The following SLC35A5 variants were observed in gnomAD, a reference collection of about 807,000 sequenced individuals.
The protein encoded by SLC35A5 is UDP-sugar transporter protein SLC35A5.
SLC35A5 carries 28 observed loss-of-function variants against 36.3 expected under a neutral mutation model. The ratio of observed to expected loss-of-function variants is 0.77; its 90% CI spans 0.57 to 1.06. The LOEUF (loss-of-function observed/expected upper bound fraction) is 1.06, where lower values mean the gene tolerates loss of function less well. Ranked by LOEUF, SLC35A5 falls within the 50% of genes least tolerant of loss-of-function variation. The pLI is 0.00. For synonymous variants in SLC35A5, 180 were observed against 173.7 expected, an observed-to-expected ratio of 1.04 and a Z score of -0.29; for missense variants, 521 against 499.3, an observed-to-expected ratio of 1.04 and a Z score of -0.41.
intron 4 of SLC35A5, among the ~76,000 whole-genome samples, chr3:112,573,146 G>A (rs1414560586): frequency 6.6e-6 from 1 of 152,106 alleles, no homozygotes; most frequent in African/African-American, 2.4e-5. Flanking sequence ...TCACCTTAAA[G>A]TGATAGCAAG....
rs139791404 is a variant in SLC35A5, at chr3:112,574,311, A to C, written c.428+355A>C. On this transcript the variant is annotated intron_variant, in intron 5 of 6. Coordinates refer to ENST00000492406, the MANE Select transcript of SLC35A5 (RefSeq NM_017945.5). ...GAAGCAAATGGTTCCTAAGATTGTTAATATATTTGTAATTTGTAGTTTGGA... is the reference window on the plus strand; with the variant it reads ...GAAGCAAATGGTTCCTAAGATTGTTCATATATTTGTAATTTGTAGTTTGGA... 4.1e-3 allele frequency among the ~76,000 whole-genome samples: 619 copies of C among 152,334 alleles called. 13 individuals carry two copies. Among genetic ancestry groups the C allele is most frequent in the Non-Finnish European group, 1.8e-3 (120 of 68,030 alleles).
At position 112,582,594 on chromosome 3, in the gene SLC35A5, T is replaced by G. The variant is rs547726088; in HGVS notation, c.1210-77T>G. ...AGCTTAATGAGGTAAGACCAGTGATTTGTTAGTAAGGTTTTCCCTTTAAAA... is the reference window on the plus strand; with the variant it reads ...AGCTTAATGAGGTAAGACCAGTGATGTGTTAGTAAGGTTTTCCCTTTAAAA... On this transcript the variant is annotated intron_variant, in intron 6 of 6. Coordinates refer to ENST00000492406, the MANE Select transcript of SLC35A5 (RefSeq NM_017945.5). 4.7e-5 allele frequency: 37 copies of G among 795,162 alleles called. No individual in the cohort carries two copies. The South Asian group carries it at 5.9e-4, about 13-fold the overall frequency. The allele number at this position is 795,162 out of a possible 1,614,324, so 49.3% of individuals were successfully genotyped here.
rs528694006 is a variant in SLC35A5 at position 112,584,924 on chromosome 3, A to C, written c.*2188A>C. Reference sequence around the variant, plus strand: ...CAGCTGGAAGCCATTATCCTAACTGAAATAATTCAGAAACAGAAAATCAAA... The same window carrying C: ...CAGCTGGAAGCCATTATCCTAACTGCAATAATTCAGAAACAGAAAATCAAA... On this transcript the variant is annotated 3_prime_UTR_variant, in exon 7 of 7. Coordinates refer to ENST00000492406, the MANE Select transcript of SLC35A5 (RefSeq NM_017945.5). 9.1e-4 allele frequency: 138 copies of C among 152,288 alleles called. 1 individual carries two copies. Among genetic ancestry groups the C allele is most frequent in the African/African-American group, 3.2e-3 (131 of 41,570 alleles). The allele number at this position is 152,288 out of a possible 1,614,324, so 9.4% of individuals were successfully genotyped here. A position where few individuals can be genotyped will look rare whatever the true frequency, so the allele number is the denominator to read the frequency against.
At chr3:112,561,530 C>T (rs770864436), upstream of SLC35A5, 2 of 1,562,156 alleles carry the variant, frequency 1.3e-6, no homozygotes, top group East Asian at 4.9e-5. Context: ...ATTCTGCATC[C>T]TGGGGCCGGA....
In SLC35A5 at chr3:112,584,142, T is replaced by C. The variant is rs1006461676; in HGVS notation, c.*1406T>C. ...AATTGGTGGAAATTTGTAATTAAAA[T>C]AATTATTAAACCTATGTCTTGTGTT... On this transcript the variant is annotated 3_prime_UTR_variant, in exon 7 of 7. Transcript: ENST00000492406. 1 of 152,178 alleles carries C rather than the reference T, an allele frequency of 6.6e-6. No homozygotes were observed. Among genetic ancestry groups the C allele is most frequent in the African/African-American group, 2.4e-5 (1 of 41,436 alleles). The allele number at this position is 152,178 out of a possible 1,614,324, so 9.4% of individuals were successfully genotyped here.
At chr3:112,578,486 TG>T (rs771188266) in intron 5 of SLC35A5, among the ~76,000 whole-genome samples, 21 of 152,140 alleles carry the variant, frequency 1.4e-4, no homozygotes, top group Non-Finnish European at 2.9e-4. Flanking sequence ...ACCGAGGCAG[TG>T]GAGAGATGAG....
intron 5 of SLC35A5, 43 bp from the exon 6 acceptor site, chr3:112,580,503 G>A: frequency 6.5e-7 from 1 of 1,535,396 alleles, no homozygotes; most frequent in Non-Finnish European, 8.7e-7. Context: ...TATTGATATG[G>A]GGGGAAAACA....
chr3:112,581,407 G>A lies in SLC35A5; in HGVS notation c.1209+81G>A, dbSNP rs117607328. 6 of 1,364,732 alleles carry A rather than the reference G, an allele frequency of 4.4e-6. No homozygotes were observed. The East Asian group carries it at 1.2e-4, about 26-fold the overall frequency. 84.5% of individuals were successfully genotyped at this position (1,364,732 alleles called of 1,614,324 possible). On this transcript the variant is annotated intron_variant, in intron 6 of 6. Transcript: ENST00000492406. ...TAATTCAAGGAAAAAAATAAAATCA[G>A]TACTGATTTGTCAAAGAATGTATTG...
chr3:112,565,444 T>C (rs1328279203), intron 2 of SLC35A5, among the ~76,000 whole-genome samples: 1 of 152,140 alleles, frequency 6.6e-6, no homozygotes, highest in Non-Finnish European at 1.5e-5. Context: ...AAGCAGGATA[T>C]GTTGTGAGAA....
chr3:112,579,579 C>T (rs1345049482), intron 5 of SLC35A5, among the ~76,000 whole-genome samples: 5 of 151,986 alleles, frequency 3.3e-5, no homozygotes, highest in Non-Finnish European at 7.4e-5. Context: ...GGATATATCA[C>T]CACCTCCTTT....
At chr3:112,574,397 C>T (rs968696114) in intron 5 of SLC35A5, among the ~76,000 whole-genome samples, 6 of 142,360 alleles carry the variant, frequency 4.2e-5, no homozygotes, top group African/African-American at 1.8e-4. Flanking sequence ...GATTTAAGCA[C>T]TAATTAGCAG....
chr3:112,573,654 G>A (rs1474329957), intron 4 of SLC35A5, among the ~76,000 whole-genome samples: 2 of 152,168 alleles, frequency 1.3e-5, no homozygotes, highest in Non-Finnish European at 2.9e-5. Flanking sequence ...AGTAATTTCA[G>A]ATCTGTATAT....
chr3:112,577,566 C>T (rs892927016), intron 5 of SLC35A5, among the ~76,000 whole-genome samples: 2 of 152,152 alleles, frequency 1.3e-5, no homozygotes, highest in African/African-American at 4.8e-5. Context: ...GAAATAATAC[C>T]AACCTAAACA....
chr3:112,562,720 A>C (rs1260962365), intron 1 of SLC35A5, among the ~76,000 whole-genome samples: 1 of 152,226 alleles, frequency 6.6e-6, no homozygotes, highest in Non-Finnish European at 1.5e-5. Flanking sequence ...AAAGAGGAGG[A>C]AAATACAATT....
At chr3:112,561,372 G>C, upstream of SLC35A5, 1 of 1,420,680 alleles carries the variant, frequency 7.0e-7, no homozygotes, top group Non-Finnish European at 9.9e-7. Flanking sequence ...TGCCCCGCCG[G>C]AGAAAGCGGG....
In SLC35A5 at chr3:112,583,304, T is replaced by C. The variant is rs1263980958; in HGVS notation, c.*568T>C. ...ATGTAGTCTGTGCTAAATATTTTGC[T>C]GAAGAAGCAGTTTCTCAGACACAAC... is the stretch of plus-strand genomic sequence containing the variant. On this transcript the variant is annotated 3_prime_UTR_variant, in exon 7 of 7. Transcript: ENST00000492406. 4 of 394,754 alleles carry C rather than the reference T, an allele frequency of 1.0e-5. No individual in the cohort carries two copies. Among genetic ancestry groups the C allele is most frequent in the African/African-American group, 2.1e-5 (1 of 48,532 alleles). 24.5% of individuals were successfully genotyped at this position (394,754 alleles called of 1,614,324 possible).
upstream of SLC35A5, chr3:112,561,641 T>G: frequency 3.7e-6 from 4 of 1,088,018 alleles, no homozygotes; most frequent in Non-Finnish European, 2.6e-6. Context: ...AGCACCCGGC[T>G]GGCAGCACCC....
At chr3:112,573,485 T>C (rs746254239) in intron 4 of SLC35A5, among the ~76,000 whole-genome samples, 6 of 152,218 alleles carry the variant, frequency 3.9e-5, no homozygotes, top group Non-Finnish European at 8.8e-5. Flanking sequence ...AAATCTATAC[T>C]TCAGTTTTCT....
intron 2 of SLC35A5, 54 bp from the exon 3 acceptor site, chr3:112,569,117 T>A: frequency 7.2e-7 from 1 of 1,383,010 alleles, no homozygotes; most frequent in South Asian, 1.2e-5. Context: ...ATACTGTATA[T>A]AAACATACAT....
Sources: gnomAD v4.1 joint callset for allele counts (sites outside exome capture counted in the v4.1 genomes callset) on GRCh38, gnomAD v4.1.1 for gene constraint, MANE v1.5 for transcripts, NCBI Gene and HGNC (gene_info 2026-07-23, HGNC 2026-07-21) for gene names.